CFAP251: variants seen among roughly 807,000 people sequenced by gnomAD.
CFAP251 encodes the protein cilia and flagella associated protein 251.
A neutral mutation model predicts 126.7 loss-of-function variants in CFAP251; 93 were observed. That is an observed-to-expected ratio of 0.73 (90% CI 0.62 to 0.87). The LOEUF (loss-of-function observed/expected upper bound fraction) is 0.87, where lower values mean the gene tolerates loss of function less well. Ranked by LOEUF, CFAP251 falls within the 40% of genes least tolerant of loss-of-function variation. The pLI is 0.00. For synonymous variants in CFAP251, 503 were observed against 506.9 expected (o/e 0.99, Z 0.10); for missense variants, 1,287 against 1,389.2 (o/e 0.93, Z 1.17).
At chr12:121,951,338 C>T in intron 8 of CFAP251, 142 bp from the exon 9 acceptor site, 13 of 471,674 alleles carry the variant, frequency 2.8e-5, no homozygotes, top group South Asian at 2.4e-4. Context: ...AGATATTTCC[C>T]AAGACAGCAA....
At chr12:121,953,477 A>G (rs556455319) in intron 9 of CFAP251, 1 of 152,394 alleles carries the variant, frequency 6.6e-6, no homozygotes, top group East Asian at 1.9e-4. Flanking sequence ...AAGTAGGTAA[A>G]TTCGCAAATA....
intron 17 of CFAP251, among the ~76,000 whole-genome samples, chr12:121,970,175 C>G (rs1423545570): frequency 1.3e-5 from 2 of 152,224 alleles, no homozygotes; most frequent in African/African-American, 4.8e-5. Flanking sequence ...TATGGCGCTT[C>G]TGCCCCGGGA....
At chr12:121,923,516 T>C in intron 2 of CFAP251, 106 bp from the exon 3 acceptor site, 1 of 1,411,996 alleles carries the variant, frequency 7.1e-7, no homozygotes, top group Non-Finnish European at 9.5e-7. Context: ...ATTTCATAAT[T>C]CCTAGGTGAG....
chr12:121,953,067 T>C (rs1026544211), intron 9 of CFAP251: 1 of 152,320 alleles, frequency 6.6e-6, no homozygotes. Context: ...CATTGATTCA[T>C]TAACATTGAA....
At chr12:121,969,142 C>G (rs1225503481) in intron 17 of CFAP251, 1 of 985,344 alleles carries the variant, frequency 1.0e-6, no homozygotes, top group Non-Finnish European at 1.2e-6. Context: ...TGATTCCTGG[C>G]TGCCAGCACA....
intron 19 of CFAP251, chr12:121,997,229 C>G (rs1883038166): frequency 6.6e-6 from 1 of 152,122 alleles, no homozygotes; most frequent in South Asian, 2.1e-4. Context: ...TGCGTGAATG[C>G]AAAGGCGTAC....
At position 121,951,056 on chromosome 12, in the gene CFAP251, TA is replaced by T. The variant is rs1441704255; in HGVS notation, c.1270-409del. ...CAACATGGCAAAACCCCATCTCTAC[TA>T]AAAAAAAAAAAAAATTAGCTGGGCA... is the stretch of plus-strand genomic sequence containing the variant. On this transcript the variant is annotated intron_variant, in intron 8 of 21. Coordinates refer to ENST00000288912, the MANE Select transcript of CFAP251 (RefSeq NM_144668.6). 5.8e-3 allele frequency: 783 copies of T among 135,868 alleles called. 2 individuals are homozygous for T. Among genetic ancestry groups the T allele is most frequent in the East Asian group, 0.023 (104 of 4,596 alleles). The allele number at this position is 135,868 out of a possible 1,614,324, so 8.4% of individuals were successfully genotyped here. A position where few individuals can be genotyped will look rare whatever the true frequency, so the allele number is the denominator to read the frequency against.
At chr12:121,947,865 T>A (rs1881377642) in intron 7 of CFAP251, 1 of 152,336 alleles carries the variant, frequency 6.6e-6, no homozygotes. Flanking sequence ...ATATGAATTC[T>A]CAAACACTGG....
intron 11 of CFAP251, 61 bp downstream of exon 11, chr12:121,957,329 T>C: frequency 6.7e-7 from 1 of 1,502,956 alleles, no homozygotes; most frequent in African/African-American, 1.4e-5. Context: ...TCTTCTTTAG[T>C]TTGCATACAG....
At position 121,966,994 on chromosome 12, in the gene CFAP251, G is replaced by A. The variant is rs762204394; in HGVS notation, c.2532G>A (p.Glu844=). ...LLGPAYGSPI[E]QTQVLPVRSM... ...GGCCAGCTTATGGTTCCCCTATTGA[G>A]CAGACACAAGTCCTCCCAGTGAGAA... The change falls in exon 16 of 22, where the codon GAG becomes GAA. Residue 844 remains glutamate, a synonymous_variant. Transcript: ENST00000288912. 6.2e-7 allele frequency: 1 copy of A among 1,614,210 alleles called. No individual in the cohort carries two copies. Among genetic ancestry groups the A allele is most frequent in the South Asian group, 1.1e-5 (1 of 91,086 alleles).
intron 8 of CFAP251, 105 bp from the exon 9 acceptor site, chr12:121,951,375 T>C: frequency 1.4e-6 from 1 of 702,816 alleles, no homozygotes; most frequent in Non-Finnish European, 2.3e-6. Context: ...AAACTGCAAA[T>C]TTCTGACCTT....
intron 7 of CFAP251, chr12:121,948,719 C>CA (rs940208790): frequency 0.058 from 10,219 of 177,088 alleles, 1 homozygote; most frequent in Middle Eastern, 0.11. Flanking sequence ...GACTCTGGCT[C>CA]AAAAAAAAAA....
intron 3 of CFAP251, 67 bp from the exon 4 acceptor site, chr12:121,931,679 T>G: frequency 7.2e-7 from 1 of 1,383,296 alleles, no homozygotes; most frequent in Non-Finnish European, 9.4e-7. Flanking sequence ...CTCCGGCGAG[T>G]TCCTGGAGCC....
chr12:121,960,807 T>C, intron 14 of CFAP251, 49 bp downstream of exon 14: 1 of 1,590,984 alleles, frequency 6.3e-7, no homozygotes, highest in South Asian at 1.1e-5. Context: ...TGTGTCTCAC[T>C]CTTGTGACAT....
intron 7 of CFAP251, among the ~76,000 whole-genome samples, chr12:121,943,821 A>C (rs902870714): frequency 1.3e-5 from 2 of 152,214 alleles, no homozygotes; most frequent in African/African-American, 2.4e-5. Flanking sequence ...GAGTCTGCTA[A>C]ATTCTTTACT....
In CFAP251 at chr12:121,974,322, T is replaced by C. The variant is rs1882404621; in HGVS notation, c.2772-922T>C. 1.3e-5 allele frequency among the ~76,000 whole-genome samples: 2 copies of C among 152,176 alleles called. No individual in the cohort carries two copies. The highest frequency in any genetic ancestry group is 3.8e-4 in the East Asian group (2 of 5,200). ...CTTTTGTAAATTGCCCAGTCTCGGG[T>C]ATGTTTTTATCAGCAGCATGAAAAC... On this transcript the variant is annotated intron_variant, in intron 17 of 21. Coordinates refer to ENST00000288912, the MANE Select transcript of CFAP251 (RefSeq NM_144668.6). The surrounding 1 kb of genome is among the most constrained non-coding windows in gnomAD (Gnocchi z 4.6).
At chr12:121,956,252 G>C (rs752758494) in intron 10 of CFAP251, among the ~76,000 whole-genome samples, 16 of 152,106 alleles carry the variant, frequency 1.1e-4, no homozygotes, top group Non-Finnish European at 2.1e-4. Flanking sequence ...GATTTCAGAG[G>C]GCTGGTGAAG....
At chr12:121,938,387 T>C (rs554390710) in intron 5 of CFAP251, among the ~76,000 whole-genome samples, 6 of 152,086 alleles carry the variant, frequency 3.9e-5, no homozygotes, top group Non-Finnish European at 8.8e-5. Flanking sequence ...AGTGGCACAA[T>C]CTCAGCTCAC....
At chr12:121,923,135 C>T (rs1181078269) in intron 2 of CFAP251, among the ~76,000 whole-genome samples, 4 of 151,376 alleles carry the variant, frequency 2.6e-5, no homozygotes, top group African/African-American at 7.3e-5. Flanking sequence ...CTCCCCTCTC[C>T]TCCCCTTCCT....
Sources: gnomAD v4.1 joint callset for allele counts (sites outside exome capture counted in the v4.1 genomes callset) on GRCh38, gnomAD v4.1.1 for gene constraint, Gnocchi (gnomAD v3.1) non-coding constraint, MANE v1.5 for transcripts, NCBI Gene and HGNC (gene_info 2026-07-23, HGNC 2026-07-21) for gene names.